Variants in MYO7A observed in about 807,000 individuals in gnomAD.
MYO7A encodes the protein unconventional myosin-VIIa.
In MYO7A, 210 loss-of-function variants were observed where a neutral mutation model predicts 263.8. That is an observed-to-expected ratio of 0.80 (90% CI 0.71 to 0.89). The LOEUF is 0.89. Among genes scored for constraint, MYO7A ranks in the 40% least tolerant of loss-of-function variants. The pLI is 0.00. For synonymous variants in MYO7A, 1,239 were observed against 1,197.3 expected (o/e 1.03, Z -0.72); for missense variants, 2,820 against 2,968.3 (o/e 0.95, Z 1.16).
intron 14 of MYO7A, among the ~76,000 whole-genome samples, chr11:77,163,836 G>A (rs1953255872): frequency 6.6e-6 from 1 of 152,086 alleles, no homozygotes; most frequent in African/African-American, 2.4e-5. Context: ...TGGACTTTTG[G>A]GGTTGTTTCT....
rs530942046 is a variant in MYO7A at position 77,198,390 on chromosome 11, A to G, written c.4442-105A>G. 6 of 1,436,030 alleles carry G rather than the reference A, an allele frequency of 4.2e-6. No individual in the cohort carries two copies. In the African/African-American group the frequency reaches 7.1e-5, roughly 17 times the overall value. 89.0% of individuals were successfully genotyped at this position (1,436,030 alleles called of 1,614,324 possible). A position where few individuals can be genotyped will look rare whatever the true frequency, so the allele number is the denominator to read the frequency against. On this transcript the variant is annotated intron_variant, in intron 33 of 48. Coordinates refer to ENST00000409709, the MANE Select transcript of MYO7A (RefSeq NM_000260.4). ...TCTGAGCCTCAGTTTCCATATCTAT[A>G]AAATAGAAATCAGTGTATTGCCACC... is the stretch of plus-strand genomic sequence containing the variant.
intron 19 of MYO7A, among the ~76,000 whole-genome samples, chr11:77,178,729 T>G (rs1555081856): frequency 6.6e-6 from 1 of 152,196 alleles, no homozygotes; most frequent in Non-Finnish European, 1.5e-5. Context: ...ACTGAGGAAG[T>G]TAGACTGTTC....
chr11:77,172,708 C>T (rs1555076844), intron 15 of MYO7A, 40 bp from the exon 16 acceptor site: 3 of 1,545,980 alleles, frequency 1.9e-6, no homozygotes, highest in Admixed American at 2.0e-5. Flanking sequence ...CTGGATGGGG[C>T]AGGCACAGCC....
At chr11:77,208,071 C>T (rs994171909) in intron 42 of MYO7A, among the ~76,000 whole-genome samples, 2 of 152,208 alleles carry the variant, frequency 1.3e-5, no homozygotes, top group Non-Finnish European at 2.9e-5. Flanking sequence ...CCAGAGGTGA[C>T]CCCAATGAGG....
chr11:77,154,796 T>G (rs1052094265), intron 4 of MYO7A, among the ~76,000 whole-genome samples: 3 of 152,080 alleles, frequency 2.0e-5, no homozygotes, highest in Non-Finnish European at 4.4e-5. Flanking sequence ...TGGCCAGCCC[T>G]CCTGGTCCAG....
intron 7 of MYO7A, 109 bp from the exon 8 acceptor site, chr11:77,157,170 T>C: frequency 7.4e-7 from 1 of 1,354,640 alleles, no homozygotes; most frequent in Admixed American, 2.0e-5. Context: ...ACCGATGGGC[T>C]TCTCCACAAG....
intron 27 of MYO7A, among the ~76,000 whole-genome samples, chr11:77,187,999 G>T (rs1158564026): frequency 6.6e-6 from 1 of 152,230 alleles, no homozygotes; most frequent in Non-Finnish European, 1.5e-5. Flanking sequence ...GGCAGCTGCT[G>T]CAGGCGTGTC....
chr11:77,152,727 T>C (rs571983950), intron 4 of MYO7A, among the ~76,000 whole-genome samples: 41 of 152,000 alleles, frequency 2.7e-4, no homozygotes, highest in Non-Finnish European at 5.3e-4. Context: ...GACAGAGGCC[T>C]TGAACGGGGA....
intron 31 of MYO7A, 70 bp from the exon 32 acceptor site, chr11:77,194,284 C>A (rs1206867450): frequency 1.3e-6 from 2 of 1,541,872 alleles, no homozygotes; most frequent in Admixed American, 1.9e-5. Flanking sequence ...GGCCTGGAGC[C>A]TTTGGTGGTG....
intron 46 of MYO7A, 177 bp downstream of exon 46, chr11:77,212,114 T>C (rs1403776194): frequency 4.3e-5 from 30 of 697,686 alleles, no homozygotes; most frequent in Middle Eastern, 2.3e-4. Flanking sequence ...GGGTAAGTCC[T>C]GGGGACAGAG....
chr11:77,203,513 A>T (rs1957222286), intron 38 of MYO7A, among the ~76,000 whole-genome samples: 1 of 152,164 alleles, frequency 6.6e-6, no homozygotes, highest in Non-Finnish European at 1.5e-5. Flanking sequence ...ATCCAGATCA[A>T]TGTTGAGATG....
chr11:77,152,612 A>G (rs1591248740), intron 4 of MYO7A, among the ~76,000 whole-genome samples: 1 of 151,406 alleles, frequency 6.6e-6, no homozygotes, highest in East Asian at 1.9e-4. Flanking sequence ...GGAGGTGACA[A>G]CCTGCCCTGT....
chr11:77,159,304 G>A (rs1312740767), intron 9 of MYO7A, 143 bp from the exon 10 acceptor site: 4 of 679,378 alleles, frequency 5.9e-6, no homozygotes, highest in Non-Finnish European at 1.0e-5. Context: ...ACCTGGGGAA[G>A]CATTTAGTCA....
At chr11:77,193,975 C>T (rs895062994) in intron 31 of MYO7A, 8 of 476,392 alleles carry the variant, frequency 1.7e-5, no homozygotes, top group Non-Finnish European at 2.9e-5. Context: ...GTCTCCCATT[C>T]TCCAGGGCAG....
intron 37 of MYO7A, 119 bp downstream of exon 37, chr11:77,202,543 C>T: frequency 1.5e-6 from 2 of 1,348,622 alleles, no homozygotes; most frequent in Non-Finnish European, 2.0e-6. Flanking sequence ...GGGCCTGGGT[C>T]AGAGGGAGCT....
intron 1 of MYO7A, 142 bp from the exon 2 acceptor site, chr11:77,130,447 G>A: frequency 3.2e-6 from 2 of 629,336 alleles, no homozygotes. Flanking sequence ...GCTGGGCAGT[G>A]GTCAGAGGGA....
Position 77,192,258 on chromosome 11 carries a change from G to A in MYO7A, c.4132G>A (p.Gly1378Arg), listed in dbSNP as rs1274834619. 6.2e-7 allele frequency: 1 copy of A among 1,614,054 alleles called. No individual in the cohort carries two copies. The highest frequency in any genetic ancestry group is 8.5e-7 in the Non-Finnish European group (1 of 1,179,900). Residue 1378 changes from glycine (G) to arginine (R), a missense_variant, in exon 31 of 49, where the codon GGG becomes AGG. By Grantham distance (125) the Gly-to-Arg change is moderately radical (BLOSUM62 -2). Coordinates refer to ENST00000409709, the MANE Select transcript of MYO7A (RefSeq NM_000260.4). ...YQQVVRGVKF[G>R]EYRCEKEDDL... is the part of the protein sequence containing the mutation. ...GCAGGTGGTGCGAGGAGTCAAGTTT[G>A]GGGAGTACAGGTGTGAGAAGGTGAG...
In MYO7A at chr11:77,194,423, C is replaced by G. The variant is rs377391891; in HGVS notation, c.4222C>G (p.Arg1408Gly). 123 of 1,612,056 alleles carry G rather than the reference C, an allele frequency of 7.6e-5. 1 individual carries two copies. Among genetic ancestry groups the G allele is most frequent in the Non-Finnish European group, 9.8e-5 (116 of 1,179,190 alleles). ...VDYGSEMILE[R>G]LLNLVPTYIP... Reference sequence around the variant, plus strand: ...CTATGGCTCTGAGATGATCCTGGAGCGCCTCCTGAACCTCGTGCCCACCTA... The same window carrying G: ...CTATGGCTCTGAGATGATCCTGGAGGGCCTCCTGAACCTCGTGCCCACCTA... Residue 1408 changes from arginine to glycine, a missense_variant, in exon 32 of 49, where the codon CGC (arginine) becomes GGC (glycine). Coordinates refer to ENST00000409709, the MANE Select transcript of MYO7A (RefSeq NM_000260.4).
At chr11:77,142,282 G>A (rs1555051034) in intron 2 of MYO7A, among the ~76,000 whole-genome samples, 1 of 152,220 alleles carries the variant, frequency 6.6e-6, no homozygotes, top group Non-Finnish European at 1.5e-5. Flanking sequence ...ATCAGCCCTG[G>A]AGGTGAAGGA....
Sources: gnomAD v4.1 joint callset for allele counts (sites outside exome capture counted in the v4.1 genomes callset) on GRCh38, gnomAD v4.1.1 for gene constraint, MANE v1.5 for transcripts, NCBI Gene and HGNC (gene_info 2026-07-23, HGNC 2026-07-21) for gene names.